TTLL9: variants seen among roughly 807,000 people sequenced by gnomAD.
TTLL9 encodes the protein probable tubulin polyglutamylase TTLL9.
In TTLL9, 47 loss-of-function variants were observed where a neutral mutation model predicts 65.6. That is an observed-to-expected ratio of 0.72 (90% CI 0.57 to 0.91). The LOEUF is 0.91. TTLL9 is among the 40% of genes least tolerant of loss of function. The pLI, the probability that TTLL9 is intolerant of heterozygous loss-of-function variation, is 0.00. For missense variants in TTLL9, 537 were observed against 568.8 expected (o/e 0.94, Z 0.57); for synonymous variants, 179 against 204.8 (o/e 0.87, Z 1.07).
At position 31,909,742 on chromosome 20, in the gene TTLL9, C is replaced by T. The variant is rs1424192458; in HGVS notation, c.324C>T (p.Thr108=). ...CTGTCCTTCCCGCCACCCAGCTGAC[C>T]CGGAAGAACTACATGGTGAAGAACC... ...ISHFRNHYEL[T]RKNYMVKNLK... is the part of the protein sequence containing the mutation. The change falls in exon 6 of 15, where the codon ACC becomes ACT. Residue 108 remains threonine (T), a synonymous_variant. Transcript: ENST00000535842. The T allele has an allele frequency of 1.2e-6, 2 of 1,613,430 alleles. No individual in the cohort carries two copies. Among genetic ancestry groups the T allele is most frequent in the Non-Finnish European group, 8.5e-7 (1 of 1,179,744 alleles).
At position 31,873,844 on chromosome 20, in the gene TTLL9, G is replaced by GAA. The variant is rs1491026440; in HGVS notation, c.69+2651_69+2652dup. 4.8e-4 allele frequency among the ~76,000 whole-genome samples: 66 copies of GAA among 138,736 alleles called. 1 individual carries two copies. The highest frequency in any genetic ancestry group is 1.5e-3 in the African/African-American group (52 of 35,532). The allele number at this position is 138,736 out of a possible 152,430, so 91.0% of individuals were successfully genotyped here. A position where few individuals can be genotyped will look rare whatever the true frequency, so the allele number is the denominator to read the frequency against. On this transcript the variant is annotated intron_variant, in intron 2 of 14. Coordinates refer to ENST00000535842, the MANE Select transcript of TTLL9 (RefSeq NM_001008409.5). ...AGGAAGAAAGAAAGAAAGAAAGAAA[G>GAA]AAAGAAAGAAAGAAAGAAAGAAAGA...
Position 31,933,864 on chromosome 20 carries a change from G to C in TTLL9, c.807+6G>C, listed in dbSNP as rs2064060321. The C allele has an allele frequency of 6.2e-7, 1 of 1,613,726 alleles. No homozygotes were observed. The highest frequency in any genetic ancestry group is 8.5e-7 in the Non-Finnish European group (1 of 1,179,846). ...CCGACTACCACCCAAAGAAGGTGAG[G>C]AAGCCGGGCTCGGCTATGCACGGGT... is the stretch of plus-strand genomic sequence containing the variant. On this transcript the variant is annotated splice_donor_region_variant and intron_variant, in intron 11 of 14. Transcript: ENST00000535842.
At chr20:31,927,937 G>GT (rs894910051) in intron 10 of TTLL9, among the ~76,000 whole-genome samples, 1 of 151,738 alleles carries the variant, frequency 6.6e-6, no homozygotes, top group Non-Finnish European at 1.5e-5. Context: ...TTTGCAATTT[G>GT]TTTTTTTCTA....
At chr20:31,895,447 GA>G (rs2063369393) in intron 3 of TTLL9, among the ~76,000 whole-genome samples, 1 of 152,244 alleles carries the variant, frequency 6.6e-6, no homozygotes, top group Non-Finnish European at 1.5e-5. Context: ...CTGTGGTTTG[GA>G]AAATGTTCTT....
chr20:31,923,164 G>GGGAT, intron 8 of TTLL9, 111 bp downstream of exon 8: 1 of 809,528 alleles, frequency 1.2e-6, no homozygotes, highest in East Asian at 2.6e-5. Context: ...CAGGCATGAA[G>GGGAT]GGATGCATGG....
At position 31,904,350 on chromosome 20, in the gene TTLL9, CTTTTTT is replaced by C. The variant is rs71185374; in HGVS notation, c.207-4221_207-4216del. Among the ~76,000 whole-genome samples, 317 of 81,770 alleles carry C rather than the reference CTTTTTT, an allele frequency of 3.9e-3. 1 individual carries two copies. The highest frequency in any genetic ancestry group is 0.013 in the African/African-American group (278 of 21,156). 53.6% of individuals were successfully genotyped at this position (81,770 alleles called of 152,430 possible). A position where few individuals can be genotyped will look rare whatever the true frequency, so the allele number is the denominator to read the frequency against. The stretch of plus-strand genomic sequence containing the variant: ...ATGGTTCTAGCATTTTTTGATAATT[CTTTTTT>C]TTTTTTTTTTTTTTTTTTTGAGACA... On this transcript the variant is annotated intron_variant, in intron 4 of 14. Transcript: ENST00000535842.
chr20:31,873,849 AAAGAAAGAAAG>A (rs2062998512), intron 2 of TTLL9, among the ~76,000 whole-genome samples: 1 of 150,086 alleles, frequency 6.7e-6, no homozygotes, highest in African/African-American at 2.5e-5. Context: ...AGAAAGAAAG[AAAGAAAGAAAG>A]AAAGAAAGAA....
chr20:31,892,034 C>T (rs1253236806), intron 3 of TTLL9, among the ~76,000 whole-genome samples: 1 of 151,928 alleles, frequency 6.6e-6, no homozygotes, highest in Non-Finnish European at 1.5e-5. Context: ...AACTCCTGAC[C>T]TCAGGTGATC....
In TTLL9 at chr20:31,881,628, C is replaced by T. The variant is rs571616405; in HGVS notation, c.70-5568C>T. 2.8e-3 allele frequency among the ~76,000 whole-genome samples: 325 copies of T among 117,758 alleles called. 2 individuals carry two copies. Among genetic ancestry groups the T allele is most frequent in the Non-Finnish European group, 4.5e-3 (276 of 60,894 alleles). The allele number at this position is 117,758 out of a possible 152,430, so 77.3% of individuals were successfully genotyped here. A position where few individuals can be genotyped will look rare whatever the true frequency, so the allele number is the denominator to read the frequency against. ...TTTTTTTTTTTTTTTTTTTTGGAGA[C>T]AGTGTCTCATTCTGTTGCCCAGGCT... On this transcript the variant is annotated intron_variant, in intron 2 of 14. Transcript: ENST00000535842.
intron 6 of TTLL9, among the ~76,000 whole-genome samples, chr20:31,912,220 G>A (rs527857323): frequency 6.6e-6 from 1 of 152,222 alleles, no homozygotes; most frequent in Admixed American, 6.5e-5. Flanking sequence ...TCTTTGCTCT[G>A]TCCCTGGGAA....
chr20:31,881,894 T>C (rs574162372), intron 2 of TTLL9, among the ~76,000 whole-genome samples: 121 of 152,326 alleles, frequency 7.9e-4, no homozygotes, highest in African/African-American at 2.5e-3. Context: ...AGTATAGACA[T>C]GGGTGTAGCA....
chr20:31,878,218 C>T (rs770108973), intron 2 of TTLL9, among the ~76,000 whole-genome samples: 1 of 151,964 alleles, frequency 6.6e-6, no homozygotes, highest in Admixed American at 6.6e-5. Flanking sequence ...AACAAAAAAC[C>T]CTTTTATTTG....
chr20:31,933,580 A>G (rs1438926399), intron 10 of TTLL9, among the ~76,000 whole-genome samples: 19 of 152,202 alleles, frequency 1.2e-4, no homozygotes, highest in Admixed American at 1.2e-3. Flanking sequence ...AAGGTGGGGA[A>G]ATAGGCCCAG....
At chr20:31,935,871 G>A (rs1447705524) in intron 12 of TTLL9, among the ~76,000 whole-genome samples, 2 of 152,194 alleles carry the variant, frequency 1.3e-5, no homozygotes, top group South Asian at 2.1e-4. Flanking sequence ...GACAAGAGGG[G>A]TCCAGCCCTG....
intron 6 of TTLL9, among the ~76,000 whole-genome samples, chr20:31,913,876 A>T (rs1300620385): frequency 6.6e-6 from 1 of 152,222 alleles, no homozygotes; most frequent in Non-Finnish European, 1.5e-5. Flanking sequence ...GGTGGGCAGG[A>T]CACTGACACA....
chr20:31,890,248 T>A (rs1465812450), intron 3 of TTLL9, among the ~76,000 whole-genome samples: 1 of 149,660 alleles, frequency 6.7e-6, no homozygotes, highest in Admixed American at 6.8e-5. Context: ...ACTTACCCTT[T>A]CTAGCAGTCT....
chr20:31,920,130 G>A (rs1286508836), intron 7 of TTLL9, among the ~76,000 whole-genome samples, 198 bp downstream of exon 7: 1 of 152,172 alleles, frequency 6.6e-6, no homozygotes, highest in African/African-American at 2.4e-5. Flanking sequence ...CTCAATAGCT[G>A]TGTGCCCTTG....
rs373587211 is a variant in TTLL9 at position 31,898,527 on chromosome 20, C to A, written c.168C>A (p.Asp56Glu). 2 of 1,614,062 alleles carry A rather than the reference C, an allele frequency of 1.2e-6. No homozygotes were observed. Among genetic ancestry groups the A allele is most frequent in the Admixed American group, 3.3e-5 (2 of 60,000 alleles). ...CCACCCTCATGAACACACTCATGGA[C>A]GTCCTTCGCCACAGGCCAGGATGGG... is the stretch of plus-strand genomic sequence containing the variant. ...FKTTLMNTLM[D>E]VLRHRPGWVE... is the part of the protein sequence containing the mutation. Residue 56 changes from aspartate (D) to glutamate (E), a missense_variant, in exon 4 of 15, where the codon GAC becomes GAA. Around this residue, in one of 3 missense-constraint regions of TTLL9, gnomAD observed 320 missense variants for 311.0 expected, o/e 1.03. Transcript: ENST00000535842.
intron 4 of TTLL9, 51 bp from the exon 5 acceptor site, chr20:31,908,540 G>A: frequency 1.4e-6 from 2 of 1,380,648 alleles, no homozygotes; most frequent in East Asian, 2.3e-5. Flanking sequence ...GCCCTGCAGT[G>A]CCAAGGTCCT....
Sources: gnomAD v4.1 joint callset for allele counts (sites outside exome capture counted in the v4.1 genomes callset) on GRCh38, gnomAD v4.1.1 for gene constraint, gnomAD v4.1.1 regional missense constraint, MANE v1.5 for transcripts, NCBI Gene and HGNC (gene_info 2026-07-23, HGNC 2026-07-21) for gene names.